MPHOSPH9: variants seen among roughly 807,000 people sequenced by gnomAD.
MPHOSPH9 encodes M-phase phosphoprotein 9.
In MPHOSPH9, 88 loss-of-function variants were observed where a neutral mutation model predicts 145.5. The ratio of observed to expected loss-of-function variants is 0.60; its 90% CI spans 0.51 to 0.72. The LOEUF (loss-of-function observed/expected upper bound fraction) is 0.72. Ranked by LOEUF, MPHOSPH9 falls within the 30% of genes least tolerant of loss-of-function variation. MPHOSPH9 has a pLI of 0.00. For synonymous variants in MPHOSPH9, 435 were observed against 486.2 expected (o/e 0.89, Z 1.39); for missense variants, 1,238 against 1,386.6 (o/e 0.89, Z 1.70).
Position 123,227,666 on chromosome 12 carries a change from T to C in MPHOSPH9, c.105-50A>G, listed in dbSNP as rs1250639149. 2.0e-5 allele frequency: 29 copies of C among 1,426,372 alleles called. No individual in the cohort carries two copies. In the East Asian group the frequency reaches 3.5e-4, roughly 17 times the overall value. 88.4% of individuals were successfully genotyped at this position (1,426,372 alleles called of 1,614,324 possible). A position where few individuals can be genotyped will look rare whatever the true frequency, so the allele number is the denominator to read the frequency against. On this transcript the variant is annotated intron_variant, in intron 2 of 23. Transcript: ENST00000606320. ...TGGTTTTCTTCATTCTATCAAAGTG[T>C]TGAATAATTCAGCAGTTCAAGATTT...
At chr12:123,217,508 A>T (rs1184589877) in intron 6 of MPHOSPH9, among the ~76,000 whole-genome samples, 1 of 152,088 alleles carries the variant, frequency 6.6e-6, no homozygotes, top group Non-Finnish European at 1.5e-5. Flanking sequence ...CAACTTTAAG[A>T]TTACAGTATT....
upstream of MPHOSPH9, among the ~76,000 whole-genome samples, chr12:123,237,757 A>T (rs895370572): frequency 1.3e-5 from 2 of 152,220 alleles, no homozygotes; most frequent in African/African-American, 4.8e-5. Flanking sequence ...CTTACCAGCA[A>T]TACTCACTGG....
chr12:123,221,887 C>A lies in MPHOSPH9; in HGVS notation c.357G>T (p.Gln119His). Residue 119 changes from glutamine (Q) to histidine (H), a missense_variant, in exon 5 of 24, where the codon CAG becomes CAT. Around this residue, in one of 3 missense-constraint regions of MPHOSPH9, gnomAD observed 837 missense variants for 897.5 expected, o/e 0.93. Coordinates refer to ENST00000606320, the MANE Select transcript of MPHOSPH9 (RefSeq NM_022782.4). Reference protein sequence around the residue: ...EQFHNQIQHIQEEIKNLVKLQ... With the variant: ...EQFHNQIQHIHEEIKNLVKLQ... ...ATTTGACTAAATTTTTTATCTCCTCCTGTATATGCTGGAAATAAAAAGTTA... is the reference window on the plus strand; with the variant it reads ...ATTTGACTAAATTTTTTATCTCCTCATGTATATGCTGGAAATAAAAAGTTA... 6.6e-7 allele frequency: 1 copy of A among 1,524,858 alleles called. No homozygotes were observed. Among genetic ancestry groups the A allele is most frequent in the Non-Finnish European group, 8.8e-7 (1 of 1,135,018 alleles). 94.5% of individuals were successfully genotyped at this position (1,524,858 alleles called of 1,614,324 possible).
intron 13 of MPHOSPH9, among the ~76,000 whole-genome samples, chr12:123,190,748 GA>G (rs2045642329): frequency 6.6e-6 from 1 of 152,154 alleles, no homozygotes; most frequent in Non-Finnish European, 1.5e-5. Flanking sequence ...ACTGCATGAG[GA>G]TAACAGAGCA....
chr12:123,186,227 CAAAAAAAAAAA>C (rs35294099), intron 13 of MPHOSPH9, among the ~76,000 whole-genome samples: 6 of 101,302 alleles, frequency 5.9e-5, no homozygotes, highest in African/African-American at 2.6e-4. Context: ...AACTCCGTCT[CAAAAAAAAAAA>C]AAAAAAAAAA....
intron 11 of MPHOSPH9, among the ~76,000 whole-genome samples, chr12:123,199,785 T>C (rs1248084256): frequency 1.4e-5 from 2 of 139,010 alleles, no homozygotes; most frequent in Admixed American, 7.6e-5. Context: ...AGAGACTCCA[T>C]CTCAAAAAAA....
At chr12:123,158,342 C>T (rs748422363) in intron 23 of MPHOSPH9, among the ~76,000 whole-genome samples, 1 of 152,158 alleles carries the variant, frequency 6.6e-6, no homozygotes, top group African/African-American at 2.4e-5. Flanking sequence ...ATGGCTTACA[C>T]CTGTAATCCC....
chr12:123,221,254 T>C, intron 5 of MPHOSPH9, 118 bp downstream of exon 5: 1 of 837,648 alleles, frequency 1.2e-6, no homozygotes, highest in Non-Finnish European at 1.8e-6. Context: ...ATTTCAATTT[T>C]CTACAGGCAA....
upstream of MPHOSPH9, among the ~76,000 whole-genome samples, chr12:123,238,154 A>G (rs2047880174): frequency 6.6e-6 from 1 of 152,012 alleles, no homozygotes; most frequent in African/African-American, 2.4e-5. Flanking sequence ...CAGCCTCCCA[A>G]AGTGCTAGGA....
chr12:123,189,755 A>AAACCCC (rs2045594426), intron 13 of MPHOSPH9, among the ~76,000 whole-genome samples: 1 of 151,978 alleles, frequency 6.6e-6, no homozygotes, highest in South Asian at 2.1e-4. Context: ...TAACACGGTG[A>AAACCCC]AACCCCGTCT....
intron 16 of MPHOSPH9, among the ~76,000 whole-genome samples, chr12:123,175,152 CTTT>C (rs781777794): frequency 6.9e-6 from 1 of 145,548 alleles, no homozygotes; most frequent in Non-Finnish European, 1.5e-5. Flanking sequence ...CAAGATCTAA[CTTT>C]TTTTTTTTTT....
At chr12:123,180,986 T>C (rs1266217068) in intron 14 of MPHOSPH9, among the ~76,000 whole-genome samples, 177 bp downstream of exon 14, 1 of 152,050 alleles carries the variant, frequency 6.6e-6, no homozygotes, top group Non-Finnish European at 1.5e-5. Context: ...AACTTGTGAG[T>C]TAAATGGGGC....
At chr12:123,220,781 C>T (rs1356634510) in intron 5 of MPHOSPH9, among the ~76,000 whole-genome samples, 3 of 151,590 alleles carry the variant, frequency 2.0e-5, no homozygotes, top group East Asian at 3.9e-4. Flanking sequence ...TGTGGCTGGG[C>T]GAGGTGGCTC....
upstream of MPHOSPH9, among the ~76,000 whole-genome samples, chr12:123,237,767 G>C (rs2047874085): frequency 6.6e-6 from 1 of 152,176 alleles, no homozygotes; most frequent in South Asian, 2.1e-4. Context: ...ATACTCACTG[G>C]TTCCATTTGA....
At chr12:123,187,471 T>G (rs888490983) in intron 13 of MPHOSPH9, among the ~76,000 whole-genome samples, 6 of 152,242 alleles carry the variant, frequency 3.9e-5, no homozygotes, top group Non-Finnish European at 8.8e-5. Context: ...GTAAATTCAG[T>G]GCAATTCCAA....
chr12:123,183,095 T>C (rs1047853730), intron 13 of MPHOSPH9, among the ~76,000 whole-genome samples: 1 of 151,782 alleles, frequency 6.6e-6, no homozygotes, highest in African/African-American at 2.4e-5. Flanking sequence ...TAAGAACACA[T>C]ATGTGAGATT....
chr12:123,158,571 A>G (rs2043966792), intron 23 of MPHOSPH9, among the ~76,000 whole-genome samples: 1 of 152,186 alleles, frequency 6.6e-6, no homozygotes, highest in Admixed American at 6.5e-5. Flanking sequence ...CCTGAGTGAC[A>G]GAATGAGACC....
Position 123,183,547 on chromosome 12 carries a change from C to CAAAAA in MPHOSPH9, c.2242-2342_2242-2338dup, listed in dbSNP as rs746928699. On this transcript the variant is annotated intron_variant, in intron 13 of 23. Transcript: ENST00000606320. ...AAGGTGACAGAGCAAGACTCTGTCT[C>CAAAAA]AAAAAAAAAAAAAAAAAAAAAAAGA... Among the ~76,000 whole-genome samples the CAAAAA allele has an allele frequency of 1.1e-3, 64 of 59,938 alleles. 3 individuals carry two copies. The East Asian group carries it at 0.033, about 31-fold the overall frequency. 39.3% of individuals were successfully genotyped at this position (59,938 alleles called of 152,430 possible).
chr12:123,228,003 T>C (rs1267155097), intron 2 of MPHOSPH9, among the ~76,000 whole-genome samples: 1 of 152,216 alleles, frequency 6.6e-6, no homozygotes, highest in African/African-American at 2.4e-5. Flanking sequence ...CTTTCCCCAC[T>C]GCCCCAAATG....
Sources: gnomAD v4.1 joint callset for allele counts (sites outside exome capture counted in the v4.1 genomes callset) on GRCh38, gnomAD v4.1.1 for gene constraint, gnomAD v4.1.1 regional missense constraint, MANE v1.5 for transcripts, NCBI Gene and HGNC (gene_info 2026-07-23, HGNC 2026-07-21) for gene names.